The following POLR1A variants were observed in gnomAD, a reference collection of about 807,000 sequenced individuals.
POLR1A encodes DNA-directed RNA polymerase I subunit RPA1.
In POLR1A, 84 loss-of-function variants were observed where a neutral mutation model predicts 205.3. The observed-to-expected ratio is 0.41, with a 90% CI of 0.34 to 0.49. The LOEUF (loss-of-function observed/expected upper bound fraction) is 0.49, where lower values mean the gene tolerates loss of function less well. Ranked by LOEUF, POLR1A falls within the 20% of genes least tolerant of loss-of-function variation. POLR1A has a pLI of 0.22. For synonymous variants in POLR1A, 799 were observed against 863.7 expected (o/e 0.93, Z 1.31); for missense variants, 1,645 against 2,204.5 (o/e 0.75, Z 5.08).
At chr2:86,042,648 G>A (rs1672634300) in intron 23 of POLR1A, among the ~76,000 whole-genome samples, 1 of 152,214 alleles carries the variant, frequency 6.6e-6, no homozygotes, top group Non-Finnish European at 1.5e-5. Context: ...CCCCCCTCTA[G>A]TGGGTCTCTA....
intron 6 of POLR1A, among the ~76,000 whole-genome samples, chr2:86,088,309 C>T (rs535447631): frequency 3.3e-5 from 5 of 152,316 alleles, no homozygotes; most frequent in Non-Finnish European, 4.4e-5. Flanking sequence ...TTCAGAAAAA[C>T]GACCACCTAA....
At chr2:86,063,335 CAAAAAAAAAAAAA>C (rs34298205) in intron 14 of POLR1A, among the ~76,000 whole-genome samples, 1 of 41,230 alleles carries the variant, frequency 2.4e-5, no homozygotes, top group Non-Finnish European at 4.3e-5. Context: ...AACTCCATCT[CAAAAAAAAAAAAA>C]AAAAAAAAAA....
chr2:86,080,375 A>G (rs893329212), intron 9 of POLR1A, among the ~76,000 whole-genome samples: 2 of 152,182 alleles, frequency 1.3e-5, no homozygotes, highest in South Asian at 2.1e-4. Context: ...GGAGACATTA[A>G]CGTGTCCAAA....
At chr2:86,031,278 T>G in intron 30 of POLR1A, 52 bp downstream of exon 30, 1 of 1,508,048 alleles carries the variant, frequency 6.6e-7, no homozygotes, top group Non-Finnish European at 8.9e-7. Flanking sequence ...CACAGAGGGA[T>G]TTGGCCAGCT....
At chr2:86,071,104 C>T (rs1217355842) in intron 12 of POLR1A, among the ~76,000 whole-genome samples, 3 of 145,532 alleles carry the variant, frequency 2.1e-5, no homozygotes, top group African/African-American at 7.6e-5. Flanking sequence ...TAAATGTATA[C>T]AAGGCCTAAA....
intron 1 of POLR1A, 49 bp downstream of exon 1, chr2:86,105,651 C>G: frequency 1.5e-6 from 2 of 1,303,062 alleles, no homozygotes; most frequent in South Asian, 2.4e-5. Context: ...TAGTTTAGGG[C>G]GCCGACCTCA....
intron 27 of POLR1A, among the ~76,000 whole-genome samples, chr2:86,035,264 T>C (rs1206420425): frequency 6.6e-6 from 1 of 152,154 alleles, no homozygotes; most frequent in Non-Finnish European, 1.5e-5. Flanking sequence ...GAAGAGCTTG[T>C]TTACCAGGCA....
At chr2:86,036,464 G>T (rs997697606) in intron 27 of POLR1A, among the ~76,000 whole-genome samples, 1 of 152,136 alleles carries the variant, frequency 6.6e-6, no homozygotes, top group African/African-American at 2.4e-5. Flanking sequence ...TCCACAGCTG[G>T]GAGAAGGGAG....
intron 18 of POLR1A, among the ~76,000 whole-genome samples, chr2:86,048,554 G>A (rs981823564): frequency 5.9e-5 from 9 of 152,196 alleles, no homozygotes; most frequent in African/African-American, 1.9e-4. Flanking sequence ...AGGGCGATCC[G>A]GGTCCCTCAC....
chr2:86,066,291 AG>A (rs1239881189), intron 13 of POLR1A, among the ~76,000 whole-genome samples: 1 of 152,168 alleles, frequency 6.6e-6, no homozygotes, highest in East Asian at 1.9e-4. Flanking sequence ...AACACAGCAC[AG>A]GGTTCATGGT....
At chr2:86,049,691 G>A (rs942271367) in intron 16 of POLR1A, among the ~76,000 whole-genome samples, 6 of 152,120 alleles carry the variant, frequency 3.9e-5, no homozygotes, top group African/African-American at 1.4e-4. Flanking sequence ...CATGTCACAG[G>A]GGCCACCCTA....
At position 86,039,500 on chromosome 2, in the gene POLR1A, A is replaced by G. The variant is rs1251133930; in HGVS notation, c.3741-38T>C. ...AAGGGCACATCCAATCATGAGTGGC[A>G]ACCAGACCTTCTGTTTGGGTGCAGC... is the stretch of plus-strand genomic sequence containing the variant. On this transcript the variant is annotated intron_variant, in intron 25 of 33. Transcript: ENST00000263857. The G allele has an allele frequency of 3.7e-6, 6 of 1,612,870 alleles. No individual in the cohort carries two copies. In the South Asian group the frequency reaches 5.5e-5, roughly 15 times the overall value.
intron 6 of POLR1A, among the ~76,000 whole-genome samples, chr2:86,087,926 A>T (rs1044259996): frequency 1.3e-5 from 2 of 152,242 alleles, no homozygotes; most frequent in Non-Finnish European, 2.9e-5. Flanking sequence ...ATTACACAGC[A>T]GGTACCGCTC....
Position 86,081,681 on chromosome 2 carries a change from C to G in POLR1A, c.843G>C (p.Ser281=). 6.2e-7 allele frequency: 1 copy of G among 1,609,410 alleles called. No homozygotes were observed. ...ATTCCATACCATCATCATCCATTCC[C>G]GAAAAAAGGTAGTTCAGAAAGAATC... ...NEGFFLNYLF[S]GMDDDGMESR... The change falls in exon 8 of 34, where the codon TCG becomes TCC. Residue 281 remains serine, a synonymous_variant. Transcript: ENST00000263857.
chr2:86,078,221 T>C lies in POLR1A; in HGVS notation c.1150A>G (p.Ile384Val). The C allele has an allele frequency of 6.2e-7, 1 of 1,612,726 alleles. No individual in the cohort carries two copies. Among genetic ancestry groups the C allele is most frequent in the South Asian group, 1.1e-5 (1 of 90,666 alleles). ...FLSTLPGQSLIDKLYNIWIRL... is the reference protein window; with the variant it reads ...FLSTLPGQSLVDKLYNIWIRL... Reference sequence around the variant, plus strand: ...ATCCAAATGTTGTAAAGTTTGTCTATGAGGGACTGGCCTGGAAGTGTACTC... The same window carrying C: ...ATCCAAATGTTGTAAAGTTTGTCTACGAGGGACTGGCCTGGAAGTGTACTC... Residue 384 changes from isoleucine to valine, a missense_variant, in exon 10 of 34, where the codon ATA becomes GTA. By Grantham distance (29) the Ile-to-Val change is conservative (BLOSUM62 3). Transcript: ENST00000263857.
rs192406639 is a variant in POLR1A, at chr2:86,042,786, C to T, written c.3357+188G>A. 1.5e-3 allele frequency among the ~76,000 whole-genome samples: 233 copies of T among 152,374 alleles called. 2 individuals are homozygous for T. The Middle Eastern group carries it at 0.017, about 11-fold the overall frequency. On this transcript the variant is annotated intron_variant, in intron 23 of 33. Coordinates refer to ENST00000263857, the MANE Select transcript of POLR1A (RefSeq NM_015425.6). ...ACAGGCCCCAGTTAGTCCCCCCAAA[C>T]CCTGCCTACACCCTTGTTAAGAGTC... is the stretch of plus-strand genomic sequence containing the variant.
chr2:86,062,561 C>A, intron 14 of POLR1A, among the ~76,000 whole-genome samples: 1 of 150,654 alleles, frequency 6.6e-6, no homozygotes, highest in Admixed American at 6.6e-5. Context: ...GCTACTTAAG[C>A]AGAACTTAAG....
At chr2:86,029,206 G>T (rs1048709430) in intron 31 of POLR1A, among the ~76,000 whole-genome samples, 1 of 152,246 alleles carries the variant, frequency 6.6e-6, no homozygotes, top group South Asian at 2.1e-4. Context: ...CTTGGCAGGT[G>T]CCAATCCTCC....
intron 27 of POLR1A, among the ~76,000 whole-genome samples, chr2:86,038,181 G>A (rs1307831159): frequency 6.6e-6 from 1 of 152,164 alleles, no homozygotes; most frequent in East Asian, 1.9e-4. Context: ...ACAGGAACTC[G>A]GGACAGGAAC....
Sources: allele counts gnomAD v4.1 joint callset (sites outside exome capture counted in the v4.1 genomes callset), GRCh38; gene constraint gnomAD v4.1.1; transcripts MANE v1.5; gene names NCBI Gene and HGNC (gene_info 2026-07-23, HGNC 2026-07-21).